The following ITGA3 variants were observed in gnomAD, a reference collection of about 807,000 sequenced individuals.
ITGA3 encodes the protein integrin alpha-3.
A neutral mutation model predicts 131.1 loss-of-function variants in ITGA3; 70 were observed. The observed-to-expected ratio is 0.53, with a 90% confidence interval of 0.44 to 0.65. ITGA3 has a LOEUF of 0.65. Ranked by LOEUF, ITGA3 falls within the 30% of genes least tolerant of loss-of-function variation. ITGA3 has a pLI of 0.00. For missense variants in ITGA3, 1,098 were observed against 1,388.6 expected (o/e 0.79, Z 3.33); for synonymous variants, 537 against 571.6 (o/e 0.94, Z 0.86).
At chr17:50,077,799 C>T (rs1287241471) in intron 16 of ITGA3, among the ~76,000 whole-genome samples, 1 of 152,096 alleles carries the variant, frequency 6.6e-6, no homozygotes, top group Non-Finnish European at 1.5e-5. Flanking sequence ...GAAACACACA[C>T]TTAGAAAGTT....
chr17:50,074,843 G>A (rs907747140), intron 10 of ITGA3, among the ~76,000 whole-genome samples: 1 of 152,180 alleles, frequency 6.6e-6, no homozygotes, highest in Non-Finnish European at 1.5e-5. Context: ...TTAAGTGGAT[G>A]GATATGGAGG....
chr17:50,080,416 T>G (rs758010085), intron 22 of ITGA3, 41 bp downstream of exon 22: 2 of 1,252,752 alleles, frequency 1.6e-6, no homozygotes, highest in Non-Finnish European at 2.3e-6. Flanking sequence ...CCATCCACCC[T>G]GAGGGGGAGA....
intron 18 of ITGA3, among the ~76,000 whole-genome samples, chr17:50,078,577 T>G (rs2066042663): frequency 6.6e-6 from 1 of 152,226 alleles, no homozygotes; most frequent in Admixed American, 6.5e-5. Flanking sequence ...ATCATCTCAA[T>G]GACTTCTCAC....
At chr17:50,086,262 ATATATAT>A in intron 23 of ITGA3, 1 of 98,954 alleles carries the variant, frequency 1.0e-5, no homozygotes, top group Non-Finnish European at 2.4e-5. Context: ...ATATTAGATT[ATATATAT>A]TATACATGTA....
At chr17:50,081,067 T>C in intron 22 of ITGA3, 1 of 505,164 alleles carries the variant, frequency 2.0e-6, no homozygotes, top group South Asian at 2.4e-5. Context: ...TGACCTAGAC[T>C]GTGACCTTCA....
chr17:50,079,080 G>C lies in ITGA3; in HGVS notation c.2405G>C (p.Gly802Ala), dbSNP rs773584492. 6.2e-7 allele frequency: 1 copy of C among 1,613,528 alleles called. No homozygotes were observed. ...GSPLKYEFQV[G>A]PMGEGLVGLG... ...TGACACATCTTGTGCCCACAGGTGG[G>C]CCCAATGGGGGAGGGGCTGGTGGGC... Residue 802 changes from glycine to alanine, a missense_variant, in exon 20 of 26, where the codon GGC becomes GCC. By Grantham distance (60) the Gly-to-Ala change is moderately conservative. This residue lies in a region of ITGA3 where 699 missense variants were observed against 829.2 expected (regional missense o/e 0.84). Transcript: ENST00000320031.
chr17:50,062,484 G>A lies in ITGA3; in HGVS notation c.207-1593G>A, dbSNP rs184369053. Among the ~76,000 whole-genome samples the A allele has an allele frequency of 2.1e-4, 32 of 152,332 alleles. No homozygotes were observed. The East Asian group carries it at 3.1e-3, about 15-fold the overall frequency. On this transcript the variant is annotated intron_variant, in intron 1 of 25. Transcript: ENST00000320031. Reference sequence around the variant, plus strand: ...GAGAAGTGACTCTCCAGGCCTGGCTGCCACCCTGGCCCCCTGCCAGCCTCC... The same window carrying A: ...GAGAAGTGACTCTCCAGGCCTGGCTACCACCCTGGCCCCCTGCCAGCCTCC...
intron 15 of ITGA3, 72 bp from the exon 16 acceptor site, chr17:50,077,307 C>T (rs1908962161): frequency 1.4e-5 from 20 of 1,427,704 alleles, no homozygotes; most frequent in South Asian, 3.5e-5. Flanking sequence ...GGCTTCTGAC[C>T]TTGCACCACA....
chr17:50,089,473 G>A lies in ITGA3; in HGVS notation c.*395G>A, dbSNP rs530943927. ...CCAGCGCTGTGGACCTTACAACGCC[G>A]AGTGCACTGCATTCCTGTGCCCTAG... On this transcript the variant is annotated 3_prime_UTR_variant, in exon 26 of 26. Transcript: ENST00000320031. 1.7e-5 allele frequency: 10 copies of A among 583,740 alleles called. No homozygotes were observed. The highest frequency in any genetic ancestry group is 4.6e-4 in the Middle Eastern group (1 of 2,196). The allele number at this position is 583,740 out of a possible 1,614,324, so 36.2% of individuals were successfully genotyped here.
intron 1 of ITGA3, 163 bp from the exon 2 acceptor site, chr17:50,063,914 T>G (rs1908204401): frequency 1.0e-6 from 1 of 978,084 alleles, no homozygotes; most frequent in Non-Finnish European, 1.5e-6. Flanking sequence ...TCTAGTGTCT[T>G]TTTTCCTTGC....
At position 50,079,185 on chromosome 17, in the gene ITGA3, CCG is replaced by C; in HGVS notation, c.2511_2512del (p.Val838ProfsTer24). 6.2e-7 allele frequency: 1 copy of C among 1,614,022 alleles called. No homozygotes were observed. Among genetic ancestry groups the C allele is most frequent in the Non-Finnish European group, 8.5e-7 (1 of 1,179,918 alleles). ...TGGCTGCTGTATCCCACGGAGATCA[CCG>C]TCCATGGCAATGGGTCCTGGCCCTG... On this transcript the variant is annotated frameshift_variant, in exon 20 of 26. Transcript: ENST00000320031. LOFTEE classifies it high-confidence loss of function.
chr17:50,065,322 T>C (rs1195674844), intron 3 of ITGA3: 1 of 152,256 alleles, frequency 6.6e-6, no homozygotes, highest in Non-Finnish European at 1.5e-5. Context: ...ATAGGCATTC[T>C]TTTCGTAGTG....
At chr17:50,074,582 A>G in intron 10 of ITGA3, 48 bp downstream of exon 10, 1 of 1,375,214 alleles carries the variant, frequency 7.3e-7, no homozygotes, top group Non-Finnish European at 1.0e-6. Flanking sequence ...TAGGGAGGCT[A>G]GGAGGGGCTG....
chr17:50,082,150 G>A (rs1239076079), intron 23 of ITGA3, among the ~76,000 whole-genome samples: 2 of 151,878 alleles, frequency 1.3e-5, no homozygotes, highest in Non-Finnish European at 2.9e-5. Context: ...ACGATGCCCA[G>A]CTAATTTATT....
chr17:50,078,715 G>A (rs1217467381), intron 18 of ITGA3, 109 bp from the exon 19 acceptor site: 1 of 692,452 alleles, frequency 1.4e-6, no homozygotes, highest in Non-Finnish European at 2.6e-6. Flanking sequence ...TTTCTATTGA[G>A]GTGACTGATG....
rs1478007891 is a variant in ITGA3, at chr17:50,088,338, G to T, written c.*3G>T. ...AGAGGCTGACCGACGACTACTGAGG[G>T]GGCAGCCCCCCGCCCCCGGCCCACC... On this transcript the variant is annotated 3_prime_UTR_variant, in exon 25 of 26. Transcript: ENST00000320031. 6.4e-7 allele frequency: 1 copy of T among 1,565,104 alleles called. No homozygotes were observed. Among genetic ancestry groups the T allele is most frequent in the Non-Finnish European group, 8.7e-7 (1 of 1,155,266 alleles).
At chr17:50,061,975 G>GGTGGCA (rs1908101984) in intron 1 of ITGA3, among the ~76,000 whole-genome samples, 1 of 151,608 alleles carries the variant, frequency 6.6e-6, no homozygotes, top group East Asian at 1.9e-4. Context: ...GGGAGGCGGA[G>GGTGGCA]GTGGCAGTGA....
chr17:50,076,947 G>C, intron 14 of ITGA3, 27 bp from the exon 15 acceptor site: 1 of 1,588,022 alleles, frequency 6.3e-7, no homozygotes, highest in South Asian at 1.1e-5. Context: ...CGGGGCTCTT[G>C]GCTGAGTCCT....
In ITGA3 at chr17:50,076,410, G is replaced by A. The variant is rs766377906; in HGVS notation, c.1759G>A (p.Gly587Arg). ...PLRMPDRPRL[G>R]LRSLDAYPIL... ...GCGGATGCCCGATCGCCCCCGGCTGGGGCTGCGGTCCCTGGACGCCTACCC... is the reference window on the plus strand; with the variant it reads ...GCGGATGCCCGATCGCCCCCGGCTGAGGCTGCGGTCCCTGGACGCCTACCC... Residue 587 changes from glycine (G) to arginine (R), a missense_variant, in exon 13 of 26, where the codon GGG becomes AGG. Gly to Arg is a moderately radical substitution (Grantham distance 125, BLOSUM62 -2). Coordinates refer to ENST00000320031, the MANE Select transcript of ITGA3 (RefSeq NM_002204.4). The A allele has an allele frequency of 1.2e-6, 2 of 1,612,522 alleles. No individual in the cohort carries two copies. The highest frequency in any genetic ancestry group is 1.7e-6 in the Non-Finnish European group (2 of 1,180,006).
Sources: allele counts gnomAD v4.1 joint callset (sites outside exome capture counted in the v4.1 genomes callset), GRCh38; gene constraint gnomAD v4.1.1; regional missense constraint gnomAD v4.1.1; transcripts MANE v1.5; gene names NCBI Gene and HGNC (gene_info 2026-07-23, HGNC 2026-07-21).